Variants in TPD52L1 observed in about 807,000 individuals in gnomAD.
The protein encoded by TPD52L1 is tumor protein D53.
A neutral mutation model predicts 28.7 loss-of-function variants in TPD52L1; 18 were observed. The ratio of observed to expected loss-of-function variants is 0.63; its 90% CI spans 0.43 to 0.93. The LOEUF (loss-of-function observed/expected upper bound fraction) is 0.93, where lower values mean the gene tolerates loss of function less well. Ranked by LOEUF, TPD52L1 falls within the 40% of genes least tolerant of loss-of-function variation. The pLI is 0.00. For synonymous variants in TPD52L1, 75 were observed against 88.8 expected (o/e 0.84, Z 0.88); for missense variants, 203 against 254.8 (o/e 0.80, Z 1.39).
At chr6:125,163,983 C>T (rs537329226) in intron 1 of TPD52L1, among the ~76,000 whole-genome samples, 3 of 148,674 alleles carry the variant, frequency 2.0e-5, no homozygotes, top group African/African-American at 5.0e-5. Flanking sequence ...AGGAAGGTAA[C>T]ATTTTGGTTT....
chr6:125,242,693 C>G, intron 3 of TPD52L1, among the ~76,000 whole-genome samples: 1 of 151,936 alleles, frequency 6.6e-6, no homozygotes, highest in Non-Finnish European at 1.5e-5. Context: ...TTTTGTGTTA[C>G]GTGAGTCTCT....
At chr6:125,190,739 T>C (rs1017763939) in intron 1 of TPD52L1, among the ~76,000 whole-genome samples, 1 of 152,112 alleles carries the variant, frequency 6.6e-6, no homozygotes. Flanking sequence ...GATCCCTCAA[T>C]GTGCAGTTTA....
At chr6:125,206,912 G>A (rs972431721) in intron 1 of TPD52L1, among the ~76,000 whole-genome samples, 4 of 152,132 alleles carry the variant, frequency 2.6e-5, no homozygotes, top group Non-Finnish European at 5.9e-5. Flanking sequence ...GAAAATTAAA[G>A]GGTTATTTAT....
chr6:125,181,602 C>T lies in TPD52L1; in HGVS notation c.19+27632C>T, dbSNP rs376049985. On this transcript the variant is annotated intron_variant, in intron 1 of 6. Coordinates refer to ENST00000534000, the MANE Select transcript of TPD52L1 (RefSeq NM_003287.4). ...CTAAATTGAAGCATGTGTTATTTTA[C>T]GATAATATTTATTTACTCACAAACA... Among the ~76,000 whole-genome samples the T allele has an allele frequency of 3.3e-5, 5 of 152,188 alleles. No individual in the cohort carries two copies. The East Asian group carries it at 5.8e-4, about 18-fold the overall frequency.
intron 1 of TPD52L1, among the ~76,000 whole-genome samples, chr6:125,200,904 A>G (rs1461253823): frequency 2.0e-5 from 3 of 152,212 alleles, no homozygotes; most frequent in African/African-American, 7.2e-5. Flanking sequence ...AAAGGAATGG[A>G]GTCAGCGTTC....
intron 1 of TPD52L1, among the ~76,000 whole-genome samples, chr6:125,177,461 T>C (rs930308097): frequency 5.3e-5 from 8 of 152,220 alleles, no homozygotes; most frequent in African/African-American, 1.7e-4. Context: ...TTAATGAATG[T>C]TCTAATACAA....
chr6:125,185,421 G>A lies in TPD52L1; in HGVS notation c.19+31451G>A, dbSNP rs139576712. Among the ~76,000 whole-genome samples, 609 of 152,164 alleles carry A rather than the reference G, an allele frequency of 4.0e-3. 5 individuals are homozygous for A. The highest frequency in any genetic ancestry group is 0.014 in the African/African-American group (585 of 41,516). On this transcript the variant is annotated intron_variant, in intron 1 of 6. Coordinates refer to ENST00000534000, the MANE Select transcript of TPD52L1 (RefSeq NM_003287.4). The stretch of plus-strand genomic sequence containing the variant: ...AGAATAGCTTGAAAAATTCAAAAGA[G>A]CGTTTACAGACCACATTCTTTAAGT...
chr6:125,183,866 T>C (rs1371166517), intron 1 of TPD52L1, among the ~76,000 whole-genome samples: 1 of 152,170 alleles, frequency 6.6e-6, no homozygotes, highest in African/African-American at 2.4e-5. Flanking sequence ...GTATACGATA[T>C]GAGCTAAAAT....
intron 1 of TPD52L1, among the ~76,000 whole-genome samples, chr6:125,214,649 AC>A (rs1199314753): frequency 1.3e-5 from 2 of 152,046 alleles, no homozygotes; most frequent in East Asian, 1.9e-4. Flanking sequence ...CTAAATATTA[AC>A]CTTTTCTTTG....
intron 3 of TPD52L1, among the ~76,000 whole-genome samples, chr6:125,238,666 C>T (rs966834317): frequency 7.9e-5 from 12 of 152,116 alleles, no homozygotes; most frequent in Non-Finnish European, 1.8e-4. Flanking sequence ...CTGCAAATGT[C>T]ATTATTTCAT....
intron 3 of TPD52L1, chr6:125,231,156 T>C (rs3799740): frequency 0.17 from 25,673 of 152,210 alleles, 2,793 homozygotes; most frequent in East Asian, 0.32. Flanking sequence ...GAGGGTTTCG[T>C]ATAACACTGG....
intron 1 of TPD52L1, chr6:125,203,644 G>C: frequency 2.0e-6 from 2 of 985,360 alleles, no homozygotes; most frequent in Non-Finnish European, 2.4e-6. Context: ...GAAACCCTTG[G>C]TGTGTGCATA....
intron 1 of TPD52L1, among the ~76,000 whole-genome samples, chr6:125,197,232 T>C (rs1384866466): frequency 6.6e-6 from 1 of 152,216 alleles, no homozygotes; most frequent in Non-Finnish European, 1.5e-5. Context: ...CTTTTCCAGA[T>C]GAAAATCTGT....
intron 1 of TPD52L1, among the ~76,000 whole-genome samples, chr6:125,187,853 T>A (rs373464070): frequency 7.9e-5 from 12 of 152,258 alleles, no homozygotes; most frequent in African/African-American, 2.6e-4. Flanking sequence ...TCAGATGCAC[T>A]TTTATTTGTA....
chr6:125,175,288 G>A (rs947704275), intron 1 of TPD52L1, among the ~76,000 whole-genome samples: 3 of 152,076 alleles, frequency 2.0e-5, no homozygotes, highest in African/African-American at 7.2e-5. Flanking sequence ...AGTGCATATA[G>A]CATTATATCC....
In TPD52L1 at chr6:125,189,660, T is replaced by C. The variant is rs115115686; in HGVS notation, c.20-30418T>C. Reference sequence around the variant, plus strand: ...TTGTGTGGGTGTTGTCAAAAGAGAGTTCATCACATGGGGAAAGGTTGGCAA... The same window carrying C: ...TTGTGTGGGTGTTGTCAAAAGAGAGCTCATCACATGGGGAAAGGTTGGCAA... On this transcript the variant is annotated intron_variant, in intron 1 of 6. Coordinates refer to ENST00000534000, the MANE Select transcript of TPD52L1 (RefSeq NM_003287.4). Among the ~76,000 whole-genome samples, 1,117 of 152,214 alleles carry C rather than the reference T, an allele frequency of 7.3e-3. 12 individuals carry two copies. The highest frequency in any genetic ancestry group is 0.025 in the African/African-American group (1,041 of 41,530).
chr6:125,165,917 C>T (rs1790872248), intron 1 of TPD52L1, among the ~76,000 whole-genome samples: 1 of 152,144 alleles, frequency 6.6e-6, no homozygotes. Flanking sequence ...GGTGTTCGTC[C>T]ATACCCAGTA....
chr6:125,192,421 C>A (rs1213459040), intron 1 of TPD52L1, among the ~76,000 whole-genome samples: 3 of 151,690 alleles, frequency 2.0e-5, no homozygotes, highest in Non-Finnish European at 4.4e-5. Flanking sequence ...AACAGAGTTG[C>A]AGCTGTGATG....
chr6:125,243,406 AC>A (rs2115024013), intron 3 of TPD52L1, among the ~76,000 whole-genome samples: 1 of 152,138 alleles, frequency 6.6e-6, no homozygotes, highest in Admixed American at 6.5e-5. Flanking sequence ...AGTTTTCCAA[AC>A]TAAAATTTTT....
Sources: gnomAD v4.1 joint callset for allele counts (sites outside exome capture counted in the v4.1 genomes callset) on GRCh38, gnomAD v4.1.1 for gene constraint, MANE v1.5 for transcripts, NCBI Gene and HGNC (gene_info 2026-07-23, HGNC 2026-07-21) for gene names.